PPP6R2: variants seen among roughly 807,000 people sequenced by gnomAD.
PPP6R2 encodes the protein protein phosphatase 6 regulatory subunit 2.
In PPP6R2, 62 loss-of-function variants were observed where a neutral mutation model predicts 100.2. That is an observed-to-expected ratio of 0.62 (90% CI 0.50 to 0.76). The LOEUF is 0.76. Ranked by LOEUF, PPP6R2 falls within the 30% of genes least tolerant of loss-of-function variation. PPP6R2 has a pLI of 0.00. For synonymous variants in PPP6R2, 525 were observed against 514.7 expected (o/e 1.02, Z -0.27); for missense variants, 1,142 against 1,276.3 (o/e 0.89, Z 1.60).
Position 50,438,224 on chromosome 22 carries a change from T to C in PPP6R2, c.1890T>C (p.Phe630=). The C allele has an allele frequency of 6.2e-7, 1 of 1,611,752 alleles. No homozygotes were observed. The highest frequency in any genetic ancestry group is 1.1e-5 in the South Asian group (1 of 90,940). The change falls in exon 18 of 24, where the codon TTT becomes TTC. Residue 630 remains phenylalanine, a synonymous_variant. Coordinates refer to ENST00000612753, the MANE Select transcript of PPP6R2 (RefSeq NM_001242898.2). Reference sequence around the variant, plus strand: ...GCTGCAGTGACCGCATCCAGCCCTTTGATGATGATGAGGACGAGGACATCT... The same window carrying C: ...GCTGCAGTGACCGCATCCAGCCCTTCGATGATGATGAGGACGAGGACATCT... ...EACCSDRIQP[F]DDDEDEDIWE...
At chr22:50,383,807 T>C (rs2053612069) in intron 2 of PPP6R2, among the ~76,000 whole-genome samples, 1 of 151,832 alleles carries the variant, frequency 6.6e-6, no homozygotes, top group Non-Finnish European at 1.5e-5. Context: ...GAGGCTGAGG[T>C]GGGCGGATCA....
At chr22:50,357,878 C>G (rs927998200) in intron 1 of PPP6R2, among the ~76,000 whole-genome samples, 1 of 151,914 alleles carries the variant, frequency 6.6e-6, no homozygotes, top group African/African-American at 2.4e-5. Context: ...TCCTCCTTGG[C>G]CTTCCAAAGT....
At chr22:50,436,108 G>A (rs891573441) in intron 13 of PPP6R2, among the ~76,000 whole-genome samples, 3 of 152,164 alleles carry the variant, frequency 2.0e-5, no homozygotes, top group African/African-American at 7.2e-5. Context: ...CTGGGGTTTC[G>A]GTAGGGGCAG....
In PPP6R2 at chr22:50,429,842, C is replaced by T. The variant is rs544426759; in HGVS notation, c.1126-1331C>T. On this transcript the variant is annotated intron_variant, in intron 10 of 23. Coordinates refer to ENST00000612753, the MANE Select transcript of PPP6R2 (RefSeq NM_001242898.2). ...ATGAGGTGACACAGGAAAGCCTCCTCCAAGGTTGCTCAAGGTCACATGGGC... is the reference window on the plus strand; with the variant it reads ...ATGAGGTGACACAGGAAAGCCTCCTTCAAGGTTGCTCAAGGTCACATGGGC... Among the ~76,000 whole-genome samples the T allele has an allele frequency of 2.6e-5, 4 of 152,292 alleles. No individual in the cohort carries two copies. In the South Asian group the frequency reaches 6.2e-4, roughly 24 times the overall value.
At chr22:50,441,509 G>A (rs1569499259) in intron 22 of PPP6R2, among the ~76,000 whole-genome samples, 1 of 152,198 alleles carries the variant, frequency 6.6e-6, no homozygotes, top group Non-Finnish European at 1.5e-5. Context: ...CTCGCCTGCT[G>A]CTCCCCTTCC....
At chr22:50,414,161 C>T (rs771435992) in intron 4 of PPP6R2, among the ~76,000 whole-genome samples, 9 of 152,186 alleles carry the variant, frequency 5.9e-5, no homozygotes, top group Non-Finnish European at 1.3e-4. Flanking sequence ...AGGCCTGGGG[C>T]TGCCAGTGAT....
intron 2 of PPP6R2, among the ~76,000 whole-genome samples, chr22:50,390,728 C>T (rs1022464310): frequency 2.0e-5 from 3 of 151,812 alleles, no homozygotes; most frequent in East Asian, 1.9e-4. Flanking sequence ...GGGCCGGGCG[C>T]GGTCGTTCAC....
chr22:50,393,571 G>T (rs1569383430), intron 2 of PPP6R2: 6 of 980,600 alleles, frequency 6.1e-6, no homozygotes, highest in Non-Finnish European at 7.3e-6. Context: ...GAGGGGGTTA[G>T]CCCAGAGGAG....
chr22:50,422,328 G>T lies in PPP6R2; in HGVS notation c.920G>T (p.Gly307Val). ...GCTGTCAGCAGCAGCGTACTACACG[G>T]CATCGAGCCTCGGCTGAAGGACTTC... ...SYAVSSSVLH[G>V]IEPRLKDFHQ... The change falls in exon 9 of 24, where the codon GGC becomes GTC. Residue 307 changes from glycine (G) to valine (V), a missense_variant. Around this residue, in one of 2 missense-constraint regions of PPP6R2, gnomAD observed 592 missense variants for 758.9 expected, o/e 0.78. Coordinates refer to ENST00000612753, the MANE Select transcript of PPP6R2 (RefSeq NM_001242898.2). 6.2e-7 allele frequency: 1 copy of T among 1,614,094 alleles called. No individual in the cohort carries two copies. The highest frequency in any genetic ancestry group is 1.1e-5 in the South Asian group (1 of 91,070).
chr22:50,366,426 C>T (rs1321456039), intron 1 of PPP6R2, among the ~76,000 whole-genome samples: 3 of 151,880 alleles, frequency 2.0e-5, no homozygotes, highest in Admixed American at 6.6e-5. Flanking sequence ...TCCTCAGCCT[C>T]CCCAGTAGCT....
At chr22:50,419,056 C>A in intron 7 of PPP6R2, 77 bp downstream of exon 7, 2 of 1,194,188 alleles carry the variant, frequency 1.7e-6, no homozygotes, top group Non-Finnish European at 2.5e-6. Flanking sequence ...TTGCTCTGAG[C>A]ACCAGGATAT....
At chr22:50,427,941 C>A (rs181119098) in intron 10 of PPP6R2, among the ~76,000 whole-genome samples, 1 of 152,218 alleles carries the variant, frequency 6.6e-6, no homozygotes, top group African/African-American at 2.4e-5. Flanking sequence ...AGGACGGTCT[C>A]GATCTCCTGA....
chr22:50,343,143 G>T (rs1159594964), upstream of PPP6R2, among the ~76,000 whole-genome samples: 1 of 151,838 alleles, frequency 6.6e-6, no homozygotes, highest in African/African-American at 2.4e-5. Flanking sequence ...CCACTCCAAG[G>T]CAGCAGTCAG....
chr22:50,391,869 T>G (rs796156198), intron 2 of PPP6R2: 25 of 151,790 alleles, frequency 1.6e-4, no homozygotes, highest in African/African-American at 5.8e-4. Context: ...CCACCCAGGC[T>G]TCCACCTTCT....
intron 16 of PPP6R2, 78 bp from the exon 17 acceptor site, chr22:50,437,764 CA>C: frequency 6.7e-7 from 1 of 1,495,566 alleles, no homozygotes; most frequent in East Asian, 2.5e-5. Context: ...CCCCGATGAG[CA>C]CCGGGGGAGG....
At chr22:50,424,867 C>T (rs1367495744) in intron 10 of PPP6R2, among the ~76,000 whole-genome samples, 1 of 152,084 alleles carries the variant, frequency 6.6e-6, no homozygotes, top group African/African-American at 2.4e-5. Context: ...GTCTCAAACT[C>T]CTGACCTCGT....
chr22:50,416,333 T>C (rs6520166), intron 6 of PPP6R2, among the ~76,000 whole-genome samples, 176 bp downstream of exon 6: 13 of 146,958 alleles, frequency 8.8e-5, no homozygotes, highest in Middle Eastern at 7.0e-3. Flanking sequence ...ATTTTTTTTT[T>C]CTTTTTTTTT....
intron 22 of PPP6R2, 96 bp from the exon 23 acceptor site, chr22:50,443,767 GGCC>G: frequency 6.9e-7 from 1 of 1,455,990 alleles, no homozygotes; most frequent in Non-Finnish European, 9.2e-7. Flanking sequence ...GGTGCTCCCA[GGCC>G]GCCTGGACCT....
intron 3 of PPP6R2, among the ~76,000 whole-genome samples, chr22:50,394,680 G>A (rs977605326): frequency 2.0e-5 from 3 of 151,304 alleles, no homozygotes; most frequent in African/African-American, 4.9e-5. Context: ...GCCGAAGCAG[G>A]CAGATCGCTA....
Sources: allele counts gnomAD v4.1 joint callset (sites outside exome capture counted in the v4.1 genomes callset), GRCh38; gene constraint gnomAD v4.1.1; regional missense constraint gnomAD v4.1.1; transcripts MANE v1.5; gene names NCBI Gene and HGNC (gene_info 2026-07-23, HGNC 2026-07-21).